The following DNAH17 variants were observed in gnomAD, a reference collection of about 807,000 sequenced individuals.
DNAH17 encodes axonemal beta dynein heavy chain 17.
A neutral mutation model predicts 485.6 loss-of-function variants in DNAH17; 376 were observed. The observed-to-expected ratio is 0.77, with a 90% CI of 0.71 to 0.84. DNAH17 has a LOEUF of 0.84. Ranked by LOEUF, DNAH17 falls within the 40% of genes least tolerant of loss-of-function variation. DNAH17 has a pLI of 0.00. For missense variants in DNAH17, 6,370 were observed against 5,839.3 expected (o/e 1.09, Z -2.96); for synonymous variants, 3,031 against 2,405.9 (o/e 1.26, Z -7.60).
intron 19 of DNAH17, 44 bp downstream of exon 19, chr17:78,537,255 G>T: frequency 6.5e-7 from 1 of 1,528,538 alleles, no homozygotes. Flanking sequence ...AATGGGGAAA[G>T]CAATGGATGA....
At chr17:78,472,569 G>C in intron 54 of DNAH17, 1 of 327,440 alleles carries the variant, frequency 3.1e-6, no homozygotes, top group Non-Finnish European at 6.3e-6. Flanking sequence ...TGCTGACTCA[G>C]GCTGGGGTGA....
chr17:78,480,605 CAA>C (rs972406399), intron 49 of DNAH17, 77 bp downstream of exon 49: 2 of 1,290,766 alleles, frequency 1.5e-6, no homozygotes, highest in African/African-American at 3.0e-5. Flanking sequence ...CACCCTAAAC[CAA>C]AGCTTTTCCT....
intron 61 of DNAH17, 139 bp downstream of exon 61, chr17:78,458,862 C>T: frequency 1.8e-6 from 2 of 1,099,898 alleles, no homozygotes; most frequent in South Asian, 1.4e-5. Context: ...CTGGCCCCTG[C>T]CTCTGCCTGC....
intron 12 of DNAH17, among the ~76,000 whole-genome samples, chr17:78,561,416 G>A (rs923278767): frequency 8.6e-5 from 13 of 152,042 alleles, no homozygotes; most frequent in Middle Eastern, 3.2e-3. Flanking sequence ...CCAAGTGCAC[G>A]CAACAGTGGC....
intron 11 of DNAH17, among the ~76,000 whole-genome samples, chr17:78,563,129 A>C (rs1408549581): frequency 2.0e-5 from 3 of 152,226 alleles, no homozygotes; most frequent in Admixed American, 2.0e-4. Flanking sequence ...AGATTTCCCA[A>C]ATGCAAGATT....
chr17:78,458,918 C>A, intron 61 of DNAH17, 83 bp downstream of exon 61: 1 of 1,460,108 alleles, frequency 6.8e-7, no homozygotes, highest in Non-Finnish European at 9.5e-7. Flanking sequence ...GCCGTGCCAA[C>A]CCATTTTCAA....
chr17:78,503,051 G>A lies in DNAH17; in HGVS notation c.4957-40C>T, dbSNP rs373434223. On this transcript the variant is annotated intron_variant, in intron 31 of 80. Transcript: ENST00000389840. ...CACGGTGACCAATACAGCCATGTGT[G>A]CCTGCCTCTAGTTCCAATAATTTTG... The A allele has an allele frequency of 1.2e-3, 1,859 of 1,582,576 alleles. 3 individuals are homozygous for A. The highest frequency in any genetic ancestry group is 1.7e-3 in the Admixed American group (92 of 54,428).
At chr17:78,501,568 G>C in intron 34 of DNAH17, 174 bp downstream of exon 34, 2 of 1,023,874 alleles carry the variant, frequency 2.0e-6, no homozygotes, top group South Asian at 3.3e-5. Context: ...TGACTGCTGT[G>C]TGTTGCTCAC....
intron 54 of DNAH17, among the ~76,000 whole-genome samples, chr17:78,469,795 T>C (rs974648671): frequency 1.4e-4 from 22 of 152,260 alleles, no homozygotes; most frequent in African/African-American, 4.8e-4. Context: ...CTTCAGGACA[T>C]GACGCTGAGT....
In DNAH17 at chr17:78,526,952, C is replaced by G. The variant is rs1362465414; in HGVS notation, c.3552G>C (p.Gln1184His). 6.3e-7 allele frequency: 1 copy of G among 1,588,966 alleles called. No individual in the cohort carries two copies. The change falls in exon 23 of 81, where the codon CAG becomes CAC. Residue 1184 changes from glutamine to histidine, a missense_variant. By Grantham distance (24) the Gln-to-His change is conservative. Transcript: ENST00000389840. Reference sequence around the variant, plus strand: ...GGAGTGGTGCCACGGTCAGCTTCACCTGAATGGCCAGTTTCTTGGTATTTG... The same window carrying G: ...GGAGTGGTGCCACGGTCAGCTTCACGTGAATGGCCAGTTTCTTGGTATTTG... ...HWANTKKLAIQVKLTVAPLQA... is the reference protein window; with the variant it reads ...HWANTKKLAIHVKLTVAPLQA...
At position 78,510,735 on chromosome 17, in the gene DNAH17, A is replaced by G. The variant is rs56202108; in HGVS notation, c.4114-229T>C. ...CCGCATAAGAGCAGAACGCACCTGC[A>G]CTGGGCGGAATTGCGGCCCCCCCGC... On this transcript the variant is annotated intron_variant, in intron 26 of 80. Coordinates refer to ENST00000389840, the MANE Select transcript of DNAH17 (RefSeq NM_173628.4). 108,035 of 476,664 alleles carry G rather than the reference A, an allele frequency of 0.23. 13,007 individuals are homozygous for G. The highest frequency in any genetic ancestry group is 0.27 in the Middle Eastern group (447 of 1,668). 29.5% of individuals were successfully genotyped at this position (476,664 alleles called of 1,614,324 possible).
At chr17:78,565,350 C>G (rs1417714411) in intron 11 of DNAH17, among the ~76,000 whole-genome samples, 1 of 152,266 alleles carries the variant, frequency 6.6e-6, no homozygotes, top group Non-Finnish European at 1.5e-5. Flanking sequence ...GGAACACCAA[C>G]TCGATCCAAG....
chr17:78,433,704 C>T (rs954076256), intron 75 of DNAH17, among the ~76,000 whole-genome samples: 12 of 152,160 alleles, frequency 7.9e-5, no homozygotes, highest in African/African-American at 2.9e-4. Flanking sequence ...GAATCCTCAT[C>T]CAGGTGCAAG....
chr17:78,467,762 C>T (rs1258853503), intron 55 of DNAH17, among the ~76,000 whole-genome samples: 1 of 151,948 alleles, frequency 6.6e-6, no homozygotes, highest in Admixed American at 6.6e-5. Flanking sequence ...CAAGGTGTGG[C>T]CAGGCAGCAC....
chr17:78,516,233 T>A (rs1174803133), intron 25 of DNAH17, among the ~76,000 whole-genome samples: 1 of 152,206 alleles, frequency 6.6e-6, no homozygotes, highest in Non-Finnish European at 1.5e-5. Flanking sequence ...GGCTAGTGTG[T>A]TTTGGAGAGT....
intron 17 of DNAH17, among the ~76,000 whole-genome samples, chr17:78,542,416 G>A (rs2091621069): frequency 6.6e-6 from 1 of 152,142 alleles, no homozygotes; most frequent in African/African-American, 2.4e-5. Flanking sequence ...CCAAAGTGCT[G>A]GGACTACCAG....
chr17:78,573,575 G>A (rs1156558937), intron 2 of DNAH17, among the ~76,000 whole-genome samples: 1 of 144,084 alleles, frequency 6.9e-6, no homozygotes, highest in Non-Finnish European at 1.5e-5. Context: ...CTCCAGACTG[G>A]ACAACAGAGC....
rs752306430 is a variant in DNAH17 at position 78,571,675 on chromosome 17, A to G, written c.647T>C (p.Leu216Pro). The G allele has an allele frequency of 6.2e-7, 1 of 1,614,034 alleles. No individual in the cohort carries two copies. The highest frequency in any genetic ancestry group is 1.1e-5 in the South Asian group (1 of 91,084). Reference sequence around the variant, plus strand: ...GGGCAGGGGGTGCAGCCCATCCAGCAGCGCCTGGGCTGAGTCTTTGCTCAG... The same window carrying G: ...GGGCAGGGGGTGCAGCCCATCCAGCGGCGCCTGGGCTGAGTCTTTGCTCAG... ...DVLSKDSAQA[L>P]LDGLHPLPQV... is the part of the protein sequence containing the mutation. Residue 216 changes from leucine to proline, a missense_variant, in exon 4 of 81, where the codon CTG (leucine) becomes CCG (proline). Physicochemically the swap from Leu to Pro is moderately conservative, Grantham distance 98. Transcript: ENST00000389840.
rs375654866 is a variant in DNAH17 at position 78,486,065 on chromosome 17, C to A, written c.7170G>T (p.Ser2390=). ...TGTAGTAGTCAAAAATCGTTCCCTG[C>A]GAGGGGAACTTGATAGTCTTGAATT... ...INEFKTIKFP[S]QGTIFDYYID... Residue 2390 remains serine (S), a synonymous_variant, in exon 46 of 81, where the codon TCG becomes TCT. Transcript: ENST00000389840. The A allele has an allele frequency of 5.0e-6, 8 of 1,613,774 alleles. No homozygotes were observed. In the South Asian group the frequency reaches 6.6e-5, roughly 13 times the overall value.
Sources: allele counts gnomAD v4.1 joint callset (sites outside exome capture counted in the v4.1 genomes callset), GRCh38; gene constraint gnomAD v4.1.1; transcripts MANE v1.5; gene names NCBI Gene and HGNC (gene_info 2026-07-23, HGNC 2026-07-21).